Variants in LINGO2 observed in about 807,000 individuals in gnomAD.
LINGO2 encodes the protein leucine-rich repeat and immunoglobulin-like domain-containing nogo receptor-interacting protein 2.
Under a neutral mutation model 30.6 loss-of-function variants are expected in LINGO2, and 14 were observed. The observed-to-expected ratio is 0.46, with a 90% CI of 0.30 to 0.72. The LOEUF (loss-of-function observed/expected upper bound fraction) is 0.72. Among genes scored for constraint, LINGO2 ranks in the 30% least tolerant of loss-of-function variants. LINGO2 has a pLI of 0.07. For synonymous variants in LINGO2, 317 were observed against 288.5 expected (o/e 1.10, Z -1.00); for missense variants, 729 against 751.7 (o/e 0.97, Z 0.35).
intron 4 of LINGO2, among the ~76,000 whole-genome samples, chr9:28,168,546 A>G (rs1828495614): frequency 6.6e-6 from 1 of 152,180 alleles, no homozygotes; most frequent in South Asian, 2.1e-4. Context: ...ATTTATTCTT[A>G]ATTTACATTG....
At chr9:28,669,666 T>TA (rs1828939626) in intron 1 of LINGO2, among the ~76,000 whole-genome samples, 1 of 151,908 alleles carries the variant, frequency 6.6e-6, no homozygotes, top group Non-Finnish European at 1.5e-5. Flanking sequence ...GTCACTCCCA[T>TA]CACACATACA....
chr9:28,684,158 G>A, the LINGO2 span, among the ~76,000 whole-genome samples: 1 of 127,480 alleles, frequency 7.8e-6, no homozygotes, highest in African/African-American at 2.7e-5. Context: ...GTTTAGACCA[G>A]GTTTTAAAAT....
the LINGO2 span, among the ~76,000 whole-genome samples, chr9:29,201,948 T>A: frequency 6.6e-6 from 1 of 151,986 alleles, no homozygotes; most frequent in Non-Finnish European, 1.5e-5. Flanking sequence ...TGAAACCAAA[T>A]CTTAAACTTT....
chr9:28,558,254 AT>A, intron 1 of LINGO2, among the ~76,000 whole-genome samples: 1 of 151,542 alleles, frequency 6.6e-6, no homozygotes, highest in Non-Finnish European at 1.5e-5. Flanking sequence ...TTCTGCTGCC[AT>A]TTTTGTTAGG....
chr9:28,584,561 T>C (rs2135672286), intron 1 of LINGO2, among the ~76,000 whole-genome samples: 1 of 152,128 alleles, frequency 6.6e-6, no homozygotes, highest in Admixed American at 6.6e-5. Flanking sequence ...AAAAAAAAAT[T>C]ATCCCTGTGT....
At chr9:28,262,641 A>T (rs1822604561) in intron 4 of LINGO2, among the ~76,000 whole-genome samples, 1 of 152,040 alleles carries the variant, frequency 6.6e-6, no homozygotes, top group South Asian at 2.1e-4. Flanking sequence ...AAAACATTGT[A>T]AGAAATTAAA....
chr9:28,441,385 T>A (rs915797523), intron 2 of LINGO2, among the ~76,000 whole-genome samples: 2 of 150,246 alleles, frequency 1.3e-5, no homozygotes, highest in African/African-American at 4.9e-5. Flanking sequence ...GTATGAAATC[T>A]ACCACTTTGT....
At chr9:28,322,567 A>C (rs1825086282) in intron 3 of LINGO2, among the ~76,000 whole-genome samples, 1 of 152,172 alleles carries the variant, frequency 6.6e-6, no homozygotes, top group African/African-American at 2.4e-5. Context: ...ATTTAATAAA[A>C]ATTAAGGAAC....
chr9:28,243,659 G>C (rs926320767), intron 4 of LINGO2, among the ~76,000 whole-genome samples: 2 of 151,642 alleles, frequency 1.3e-5, no homozygotes, highest in African/African-American at 4.8e-5. Flanking sequence ...AAAAAAAACG[G>C]GTTGGATTCC....
At chr9:28,820,647 A>G in the LINGO2 span, among the ~76,000 whole-genome samples, 1 of 152,326 alleles carries the variant, frequency 6.6e-6, no homozygotes, top group East Asian at 1.9e-4. Flanking sequence ...TCACAAATAT[A>G]AACAGGAAAA....
intron 4 of LINGO2, among the ~76,000 whole-genome samples, chr9:28,256,454 C>T (rs774697760): frequency 6.6e-6 from 1 of 151,968 alleles, no homozygotes; most frequent in Middle Eastern, 3.4e-3. Context: ...TTTTCTGCTA[C>T]CCTCGTAGGT....
chr9:28,269,284 A>G (rs569096134), intron 4 of LINGO2, among the ~76,000 whole-genome samples: 1 of 152,196 alleles, frequency 6.6e-6, no homozygotes, highest in South Asian at 2.1e-4. Flanking sequence ...CTCTAGGTCC[A>G]TTGTTTCCAG....
At chr9:28,857,685 TA>T in the LINGO2 span, among the ~76,000 whole-genome samples, 2 of 152,104 alleles carry the variant, frequency 1.3e-5, no homozygotes. Context: ...CTTAAAATCA[TA>T]TGAAATATGG....
intron 5 of LINGO2, among the ~76,000 whole-genome samples, chr9:27,994,706 C>A (rs974915683): frequency 6.6e-6 from 1 of 152,106 alleles, no homozygotes; most frequent in African/African-American, 2.4e-5. Context: ...CATTGGCCCA[C>A]GCATGTGCAC....
the LINGO2 span, among the ~76,000 whole-genome samples, chr9:29,181,099 T>C: frequency 6.6e-6 from 1 of 152,214 alleles, no homozygotes; most frequent in Admixed American, 6.5e-5. Flanking sequence ...TTGGACAGCA[T>C]TTATACAGAG....
At chr9:28,615,780 C>T (rs1587964174) in intron 1 of LINGO2, among the ~76,000 whole-genome samples, 2 of 152,040 alleles carry the variant, frequency 1.3e-5, no homozygotes, top group East Asian at 3.9e-4. Context: ...AGTTTGGGGG[C>T]ATATAAATTT....
intron 1 of LINGO2, among the ~76,000 whole-genome samples, chr9:28,517,812 T>A (rs1820680129): frequency 6.6e-6 from 1 of 152,262 alleles, no homozygotes; most frequent in Middle Eastern, 3.4e-3. Flanking sequence ...CAGAAGCCTA[T>A]TTTCCCCAAT....
At chr9:27,974,963 C>G (rs1820526979) in intron 5 of LINGO2, among the ~76,000 whole-genome samples, 1 of 152,246 alleles carries the variant, frequency 6.6e-6, no homozygotes, top group Middle Eastern at 3.4e-3. Context: ...ACAATCCTAA[C>G]TTATCAAACC....
the LINGO2 span, among the ~76,000 whole-genome samples, chr9:28,842,522 G>A: frequency 3.3e-5 from 5 of 151,830 alleles, no homozygotes; most frequent in Admixed American, 6.6e-5. Flanking sequence ...TTAAAGTCAA[G>A]GAGAAATAAT....
Sources: gnomAD v4.1 joint callset for allele counts (sites outside exome capture counted in the v4.1 genomes callset) on GRCh38, gnomAD v4.1.1 for gene constraint, MANE v1.5 for transcripts, NCBI Gene and HGNC (gene_info 2026-07-23, HGNC 2026-07-21) for gene names.